MYZAP: variants seen among roughly 807,000 people sequenced by gnomAD.
MYZAP encodes the protein myocardial zonula adherens protein.
Under a neutral mutation model 69.4 loss-of-function variants are expected in MYZAP, and 66 were observed. That is an observed-to-expected ratio of 0.95 (90% CI 0.78 to 1.17). The LOEUF (loss-of-function observed/expected upper bound fraction) is 1.17, where lower values mean the gene tolerates loss of function less well. Ranked by LOEUF, MYZAP falls within the 50% of genes most tolerant of loss-of-function variation. The probability of loss-of-function intolerance (pLI) is 0.00; values close to 1 mark genes in which losing one functional copy is unlikely to be tolerated. For synonymous variants in MYZAP, 256 were observed against 205.9 expected (o/e 1.24, Z -2.09); for missense variants, 611 against 556.2 (o/e 1.10, Z -0.99).
chr15:57,650,301 A>C (rs1361186059), intron 10 of MYZAP, among the ~76,000 whole-genome samples: 2 of 152,154 alleles, frequency 1.3e-5, no homozygotes, highest in East Asian at 3.9e-4. Context: ...GATGAGGAGG[A>C]GCCAGGTACA....
chr15:57,618,252 G>A (rs1309268705), intron 3 of MYZAP, 64 bp downstream of exon 3: 30 of 1,561,690 alleles, frequency 1.9e-5, no homozygotes, highest in Non-Finnish European at 2.5e-5. Context: ...AGAGAATGGA[G>A]TTGGAAGCAT....
intron 10 of MYZAP, among the ~76,000 whole-genome samples, chr15:57,655,551 T>G (rs1180790789): frequency 6.6e-6 from 1 of 152,114 alleles, no homozygotes; most frequent in Non-Finnish European, 1.5e-5. Flanking sequence ...TAAGGATGAT[T>G]ACTTAGCTCA....
chr15:57,629,118 A>G (rs1328681971), intron 5 of MYZAP, among the ~76,000 whole-genome samples: 1 of 151,716 alleles, frequency 6.6e-6, no homozygotes, highest in Non-Finnish European at 1.5e-5. Context: ...GAAAAAGAAT[A>G]AAAAGAGGAA....
Position 57,604,288 on chromosome 15 carries a change from G to T in MYZAP, c.95G>T (p.Arg32Leu). Residue 32 changes from arginine (R) to leucine (L), a missense_variant, in exon 2 of 13, where the codon CGG becomes CTG. Coordinates refer to ENST00000267853, the MANE Select transcript of MYZAP (RefSeq NM_001018100.5). ...PSRRANVCRLRLTVPPESPVP... is the reference protein window; with the variant it reads ...PSRRANVCRLLLTVPPESPVP... The stretch of plus-strand genomic sequence containing the variant: ...TTCTAGGCAAATGTTTGCAGACTAC[G>T]GCTGACCGTACCTCCTGAGAGTCCA... 6.2e-7 allele frequency: 1 copy of T among 1,614,176 alleles called. No homozygotes were observed. The highest frequency in any genetic ancestry group is 8.5e-7 in the Non-Finnish European group (1 of 1,180,038).
At chr15:57,607,001 G>C (rs1410654838) in intron 2 of MYZAP, among the ~76,000 whole-genome samples, 2 of 152,210 alleles carry the variant, frequency 1.3e-5, no homozygotes, top group South Asian at 2.1e-4. Context: ...TCTGTCACTA[G>C]GGAGTGTCCC....
At chr15:57,622,672 T>C (rs753921674) in intron 4 of MYZAP, among the ~76,000 whole-genome samples, 29 of 152,184 alleles carry the variant, frequency 1.9e-4, no homozygotes, top group Non-Finnish European at 3.8e-4. Flanking sequence ...GGAAAACTTA[T>C]GTGCTGTTGG....
At chr15:57,670,642 T>G (rs2038824868) in intron 11 of MYZAP, among the ~76,000 whole-genome samples, 1 of 152,082 alleles carries the variant, frequency 6.6e-6, no homozygotes, top group African/African-American at 2.4e-5. Flanking sequence ...TGTTTGTTCC[T>G]TCTGGTTTGT....
At chr15:57,632,681 G>C (rs150913765) in intron 7 of MYZAP, 122 bp downstream of exon 7, 1 of 1,474,098 alleles carries the variant, frequency 6.8e-7, no homozygotes, top group Admixed American at 2.2e-5. Context: ...CATGGGTAAG[G>C]GATCAAGGAA....
At chr15:57,634,988 C>G (rs1299007067) in intron 8 of MYZAP, among the ~76,000 whole-genome samples, 1 of 152,124 alleles carries the variant, frequency 6.6e-6, no homozygotes, top group African/African-American at 2.4e-5. Context: ...CTCAGATGCT[C>G]TCTCTCTGGG....
chr15:57,611,435 T>G (rs1218068742), intron 2 of MYZAP, among the ~76,000 whole-genome samples: 2 of 152,208 alleles, frequency 1.3e-5, no homozygotes, highest in Non-Finnish European at 2.9e-5. Context: ...TCCTGATTTT[T>G]TTTTCTCCCG....
chr15:57,646,916 G>T (rs1181695709), intron 10 of MYZAP: 2 of 985,280 alleles, frequency 2.0e-6, no homozygotes, highest in Non-Finnish European at 2.4e-6. Context: ...TTTTTATAGA[G>T]GTCTTTCTTG....
intron 10 of MYZAP, chr15:57,647,970 G>A: frequency 1.0e-6 from 1 of 985,310 alleles, no homozygotes; most frequent in Non-Finnish European, 1.2e-6. Context: ...TGGATCCTTA[G>A]CCTTGGACTC....
At chr15:57,680,071 G>A (rs2039352740) in intron 12 of MYZAP, among the ~76,000 whole-genome samples, 1 of 152,122 alleles carries the variant, frequency 6.6e-6, no homozygotes, top group South Asian at 2.1e-4. Context: ...CAATCCCTTT[G>A]GAAGCTTGTT....
intron 1 of MYZAP, among the ~76,000 whole-genome samples, chr15:57,596,522 T>A (rs1389106539): frequency 1.3e-5 from 2 of 152,200 alleles, no homozygotes; most frequent in African/African-American, 4.8e-5. Flanking sequence ...CTTTCCCTCT[T>A]TGGTGAGTGA....
chr15:57,660,009 T>C (rs891109520), intron 10 of MYZAP, among the ~76,000 whole-genome samples: 10 of 152,162 alleles, frequency 6.6e-5, no homozygotes. Flanking sequence ...TCAAAGCGAG[T>C]ATACTGTCTA....
chr15:57,668,873 GATAT>G (rs34433014), intron 11 of MYZAP, among the ~76,000 whole-genome samples: 74,260 of 133,920 alleles, frequency 0.55, 22,498 homozygotes, highest in Non-Finnish European at 0.67. Flanking sequence ...GTCTGTTGAA[GATAT>G]ATATATATAT....
intron 1 of MYZAP, among the ~76,000 whole-genome samples, chr15:57,599,184 C>G (rs1458802927): frequency 6.6e-6 from 1 of 152,178 alleles, no homozygotes; most frequent in Non-Finnish European, 1.5e-5. Context: ...CCAAAGGTCT[C>G]AAAGCTAGTA....
rs56102709 is a variant in MYZAP at position 57,678,041 on chromosome 15, C to CAAAAAA, written c.1304+2989_1304+2994dup. 8.4e-4 allele frequency among the ~76,000 whole-genome samples: 98 copies of CAAAAAA among 116,216 alleles called. 2 individuals are homozygous for CAAAAAA. The highest frequency in any genetic ancestry group is 3.2e-3 in the African/African-American group (92 of 28,438). 76.2% of individuals were successfully genotyped at this position (116,216 alleles called of 152,430 possible). Reference sequence around the variant, plus strand: ...CCACATAGCAGGACCTTATCTCTACCAAAAAAAAAAAAAAAAAAAAAGAAA... The same window carrying CAAAAAA: ...CCACATAGCAGGACCTTATCTCTACCAAAAAAAAAAAAAAAAAAAAAAAAAAAGAAA... On this transcript the variant is annotated intron_variant, in intron 12 of 12. Coordinates refer to ENST00000267853, the MANE Select transcript of MYZAP (RefSeq NM_001018100.5).
intron 5 of MYZAP, among the ~76,000 whole-genome samples, chr15:57,626,560 T>A (rs1199122932): frequency 6.6e-6 from 1 of 152,212 alleles, no homozygotes; most frequent in Non-Finnish European, 1.5e-5. Flanking sequence ...TTGAAAATGT[T>A]CAAAGCAAAG....
Sources: gnomAD v4.1 joint callset for allele counts (sites outside exome capture counted in the v4.1 genomes callset) on GRCh38, gnomAD v4.1.1 for gene constraint, MANE v1.5 for transcripts, NCBI Gene and HGNC (gene_info 2026-07-23, HGNC 2026-07-21) for gene names.